Variants in TRIM23 observed in about 807,000 individuals in gnomAD.
TRIM23 encodes the protein tripartite motif containing 23, also known as E3 ubiquitin-protein ligase TRIM23.
In TRIM23, 27 loss-of-function variants were observed where a neutral mutation model predicts 71.0. The ratio of observed to expected loss-of-function variants is 0.38; its 90% CI spans 0.28 to 0.52. TRIM23 has a LOEUF of 0.52. Among genes scored for constraint, TRIM23 ranks in the 20% least tolerant of loss-of-function variants. The probability of loss-of-function intolerance (pLI) is 0.84; values close to 1 mark genes in which losing one functional copy is unlikely to be tolerated. For synonymous variants in TRIM23, 234 were observed against 238.0 expected (o/e 0.98, Z 0.16); for missense variants, 482 against 692.3 (o/e 0.70, Z 3.41).
At chr5:65,601,408 CAA>C (rs771804965) in intron 7 of TRIM23, among the ~76,000 whole-genome samples, 15 of 151,944 alleles carry the variant, frequency 9.9e-5, no homozygotes, top group Admixed American at 2.0e-4. Context: ...TGACAGGAGG[CAA>C]AAAGCACTTC....
In TRIM23 at chr5:65,591,645, T is replaced by TTATATATATATATA. The variant is rs10644434; in HGVS notation, c.*110_*123dup. ...ACTGAATTCCCAATCCAAGATTCCT[T>TTATATATATATATA]TATATATATATATATATATATGCAT... On this transcript the variant is annotated 3_prime_UTR_variant, in exon 11 of 11. Transcript: ENST00000231524. The TTATATATATATATA allele has an allele frequency of 0.011, 7,870 of 715,206 alleles. 126 individuals are homozygous for TTATATATATATATA. The highest frequency in any genetic ancestry group is 0.017 in the African/African-American group (791 of 45,742). 44.3% of individuals were successfully genotyped at this position (715,206 alleles called of 1,614,324 possible).
rs1456989431 is a variant in TRIM23 at position 65,624,184 on chromosome 5, G to A, written c.81+10C>T. On this transcript the variant is annotated intron_variant, in intron 1 of 10. Coordinates refer to ENST00000231524, the MANE Select transcript of TRIM23 (RefSeq NM_001656.4). The stretch of plus-strand genomic sequence containing the variant: ...CGATGGTGGAGAATAGAGCACGCAA[G>A]GTCCCTCACCTTCACTACAGCTGTC... 5 of 1,614,168 alleles carry A rather than the reference G, an allele frequency of 3.1e-6. No individual in the cohort carries two copies. Among genetic ancestry groups the A allele is most frequent in the South Asian group, 1.1e-5 (1 of 91,084 alleles).
chr5:65,596,763 T>G (rs930892843), intron 8 of TRIM23, among the ~76,000 whole-genome samples: 5 of 152,088 alleles, frequency 3.3e-5, no homozygotes, highest in African/African-American at 1.2e-4. Flanking sequence ...GGGATCCATG[T>G]ACCTTCCAGC....
chr5:65,605,163 T>A, intron 6 of TRIM23, 118 bp from the exon 7 acceptor site: 3 of 932,772 alleles, frequency 3.2e-6, no homozygotes, highest in Non-Finnish European at 4.6e-6. Context: ...AAGTTAAATG[T>A]AAATTTGACA....
In TRIM23 at chr5:65,597,036, AATATTCATACTTACC is replaced by A; in HGVS notation, c.1309_1309+14del. On this transcript the variant is annotated splice_donor_variant and splice_donor_5th_base_variant and coding_sequence_variant and intron_variant, in exon 8 of 11. Coordinates refer to ENST00000231524, the MANE Select transcript of TRIM23 (RefSeq NM_001656.4). LOFTEE classifies it high-confidence loss of function. ...GGGTTTGTCTATTAAGGTAAAAACC[AATATTCATACTTACC>A]AATTGTTGGAATGGGCTGCATGAAT... 6.2e-7 allele frequency: 1 copy of A among 1,613,324 alleles called. No homozygotes were observed. Among genetic ancestry groups the A allele is most frequent in the Non-Finnish European group, 8.5e-7 (1 of 1,179,656 alleles).
rs2150616361 is a variant in TRIM23, at chr5:65,590,323, T to C, written c.*1446A>G. On this transcript the variant is annotated 3_prime_UTR_variant, in exon 11 of 11. Coordinates refer to ENST00000231524, the MANE Select transcript of TRIM23 (RefSeq NM_001656.4). ...TTTACCTGAAAAATAAAGGATGAAA[T>C]ATTACATTTATTTATTTACATATTG... is the stretch of plus-strand genomic sequence containing the variant. The C allele has an allele frequency of 6.9e-7, 1 of 1,450,746 alleles. No individual in the cohort carries two copies. Among genetic ancestry groups the C allele is most frequent in the Non-Finnish European group, 9.5e-7 (1 of 1,056,510 alleles). 89.9% of individuals were successfully genotyped at this position (1,450,746 alleles called of 1,614,324 possible).
At position 65,590,828 on chromosome 5, in the gene TRIM23, A is replaced by G; in HGVS notation, c.*941T>C. On this transcript the variant is annotated 3_prime_UTR_variant, in exon 11 of 11. Coordinates refer to ENST00000231524, the MANE Select transcript of TRIM23 (RefSeq NM_001656.4). ...AATAAGCATTTGCCACTGTACTTACAACTTCTCTTGAAGTTCGCTTTCTAT... is the reference window on the plus strand; with the variant it reads ...AATAAGCATTTGCCACTGTACTTACGACTTCTCTTGAAGTTCGCTTTCTAT... The G allele has an allele frequency of 1.0e-6, 1 of 985,564 alleles. No homozygotes were observed. The highest frequency in any genetic ancestry group is 1.7e-5 in the African/African-American group (1 of 57,352). 61.1% of individuals were successfully genotyped at this position (985,564 alleles called of 1,614,324 possible). A position where few individuals can be genotyped will look rare whatever the true frequency, so the allele number is the denominator to read the frequency against.
chr5:65,600,339 A>G (rs571202139), intron 7 of TRIM23, among the ~76,000 whole-genome samples: 2 of 152,310 alleles, frequency 1.3e-5, no homozygotes, highest in African/African-American at 2.4e-5. Context: ...AACAGAACAG[A>G]AGAGAGAGCC....
chr5:65,601,723 T>C (rs927035459), intron 7 of TRIM23, among the ~76,000 whole-genome samples: 1 of 130,424 alleles, frequency 7.7e-6, no homozygotes, highest in Non-Finnish European at 1.7e-5. Flanking sequence ...TTTCCATACA[T>C]CTTCTGAAAT....
At position 65,595,969 on chromosome 5, in the gene TRIM23, G is replaced by A. The variant is rs377157888; in HGVS notation, c.1420+452C>T. Among the ~76,000 whole-genome samples the A allele has an allele frequency of 9.9e-5, 15 of 152,270 alleles. No individual in the cohort carries two copies. The East Asian group carries it at 1.7e-3, about 18-fold the overall frequency. On this transcript the variant is annotated intron_variant, in intron 9 of 10. Transcript: ENST00000231524. ...ACGGTTTGGTCAAAAGCAAGCTACT[G>A]TAAGTTCTTCTGCAGGTAATAACTA...
In TRIM23 at chr5:65,594,554, T is replaced by C; in HGVS notation, c.1512A>G (p.Arg504=). The C allele has an allele frequency of 6.2e-7, 1 of 1,612,844 alleles. No homozygotes were observed. The highest frequency in any genetic ancestry group is 8.5e-7 in the Non-Finnish European group (1 of 1,179,606). The part of the protein sequence containing the change: ...LAKLLTEKEL[R]DALLLIFANK... ...TAGCAAAAATCAGGAGCAGAGCATC[T>C]CGGAGTTCTTTTTCCGTTAACAACT... The change falls in exon 10 of 11, where the codon CGA becomes CGG. Residue 504 remains arginine, a synonymous_variant. Coordinates refer to ENST00000231524, the MANE Select transcript of TRIM23 (RefSeq NM_001656.4).
At chr5:65,603,436 GA>G (rs908427253) in intron 7 of TRIM23, among the ~76,000 whole-genome samples, 13 of 150,578 alleles carry the variant, frequency 8.6e-5, no homozygotes, top group African/African-American at 2.2e-4. Context: ...AAAAGAGCAG[GA>G]AAAAAAAAGT....
chr5:65,596,695 A>C (rs1033731992), intron 8 of TRIM23, among the ~76,000 whole-genome samples, 164 bp from the exon 9 acceptor site: 3 of 152,074 alleles, frequency 2.0e-5, no homozygotes, highest in Middle Eastern at 6.3e-3. Flanking sequence ...TACGTGGTGA[A>C]TGTATACCTG....
intron 1 of TRIM23, among the ~76,000 whole-genome samples, chr5:65,621,155 A>G (rs890438968): frequency 6.6e-6 from 1 of 152,220 alleles, no homozygotes; most frequent in African/African-American, 2.4e-5. Context: ...GATTGAGACC[A>G]TCCTGGCTAA....
rs3836739 is a variant in TRIM23 at position 65,590,547 on chromosome 5, T to TA, written c.*1221dup. 6.1e-3 allele frequency: 5,294 copies of TA among 869,758 alleles called. 3 individuals carry two copies. The highest frequency in any genetic ancestry group is 0.014 in the African/African-American group (778 of 55,558). 53.9% of individuals were successfully genotyped at this position (869,758 alleles called of 1,614,324 possible). On this transcript the variant is annotated 3_prime_UTR_variant, in exon 11 of 11. Coordinates refer to ENST00000231524, the MANE Select transcript of TRIM23 (RefSeq NM_001656.4). ...ACTTCATCCTAATGTATCAGAACATTAAAAAAAAAAAAGTCTCAATGTACC... is the reference window on the plus strand; with the variant it reads ...ACTTCATCCTAATGTATCAGAACATTAAAAAAAAAAAAAGTCTCAATGTACC...
At chr5:65,594,737 G>A (rs1272381577) in intron 9 of TRIM23, 92 bp from the exon 10 acceptor site, 2 of 1,186,204 alleles carry the variant, frequency 1.7e-6, no homozygotes, top group African/African-American at 3.2e-5. Flanking sequence ...ATTATGTTAT[G>A]GTTAGAGTTT....
chr5:65,609,903 C>T (rs1303489203), intron 5 of TRIM23, among the ~76,000 whole-genome samples: 2 of 152,198 alleles, frequency 1.3e-5, no homozygotes, highest in Non-Finnish European at 2.9e-5. Context: ...TAAATGGCAA[C>T]TCCATCCTTC....
In TRIM23 at chr5:65,591,670, T is replaced by A; in HGVS notation, c.*99A>T. 2.6e-6 allele frequency: 3 copies of A among 1,135,324 alleles called. No homozygotes were observed. The highest frequency in any genetic ancestry group is 3.5e-6 in the Non-Finnish European group (3 of 862,806). The allele number at this position is 1,135,324 out of a possible 1,614,324, so 70.3% of individuals were successfully genotyped here. The stretch of plus-strand genomic sequence containing the variant: ...TTATATATATATATATATATATGCA[T>A]CCTAAATTACCATCTTTTGAGATGT... On this transcript the variant is annotated 3_prime_UTR_variant, in exon 11 of 11. Coordinates refer to ENST00000231524, the MANE Select transcript of TRIM23 (RefSeq NM_001656.4).
Position 65,609,471 on chromosome 5 carries a change from A to G in TRIM23, c.829-13T>C, listed in dbSNP as rs775927198. 26 of 1,607,208 alleles carry G rather than the reference A, an allele frequency of 1.6e-5. No individual in the cohort carries two copies. Among genetic ancestry groups the G allele is most frequent in the Middle Eastern group, 1.7e-4 (1 of 6,040 alleles). ...CAGTCCCTGGTACCTAAGAAAATGAAAATAAATTTTAAGCAACTGTAATGT... is the reference window on the plus strand; with the variant it reads ...CAGTCCCTGGTACCTAAGAAAATGAGAATAAATTTTAAGCAACTGTAATGT... On this transcript the variant is annotated splice_polypyrimidine_tract_variant and intron_variant, in intron 5 of 10. Coordinates refer to ENST00000231524, the MANE Select transcript of TRIM23 (RefSeq NM_001656.4).
Sources: allele counts gnomAD v4.1 joint callset (sites outside exome capture counted in the v4.1 genomes callset), GRCh38; gene constraint gnomAD v4.1.1; transcripts MANE v1.5; gene names NCBI Gene and HGNC (gene_info 2026-07-23, HGNC 2026-07-21).